The following DNAH5 variants were observed in gnomAD, a reference collection of about 807,000 sequenced individuals.
DNAH5 encodes the protein axonemal beta dynein heavy chain 5.
DNAH5 carries 372 observed loss-of-function variants against 518.2 expected under a neutral mutation model. The ratio of observed to expected loss-of-function variants is 0.72; its 90% confidence interval spans 0.66 to 0.78. The LOEUF is 0.78. Ranked by LOEUF, DNAH5 falls within the 30% of genes least tolerant of loss-of-function variation. The pLI is 0.00. For synonymous variants in DNAH5, 2,039 were observed against 2,025.9 expected, an observed-to-expected ratio of 1.01 and a Z score of -0.17; for missense variants, 5,523 against 5,687.0, an observed-to-expected ratio of 0.97 and a Z score of 0.93.
Position 13,735,888 on chromosome 5 carries a change from G to T in DNAH5, c.11500C>A (p.Arg3834Ser), listed in dbSNP as rs1579972564. The T allele has an allele frequency of 1.2e-6, 2 of 1,613,982 alleles. No individual in the cohort carries two copies. Among genetic ancestry groups the T allele is most frequent in the Admixed American group, 1.7e-5 (1 of 59,996 alleles). The change falls in exon 67 of 79, where the codon CGC (arginine) becomes AGC (serine). Residue 3834 changes from arginine (R) to serine (S), a missense_variant. This residue lies in a region of DNAH5 where 5,121 missense variants were observed against 5,223.3 expected (regional missense o/e 0.98). Transcript: ENST00000265104. ...SILYFLITEM[R>S]LVNEMYQTSL... Reference sequence around the variant, plus strand: ...GTCTGATACATCTCATTAACCAAGCGCATCTCAGTAATGAGGAAGTAGAGG... The same window carrying T: ...GTCTGATACATCTCATTAACCAAGCTCATCTCAGTAATGAGGAAGTAGAGG...
At chr5:13,779,486 C>T (rs1278493005) in intron 53 of DNAH5, among the ~76,000 whole-genome samples, 1 of 152,176 alleles carries the variant, frequency 6.6e-6, no homozygotes, top group Non-Finnish European at 1.5e-5. Context: ...TTCTGCTTAT[C>T]AGTGCCTGAC....
chr5:13,769,495 AC>A lies in DNAH5; in HGVS notation c.9720+5del. ...GAATGTGGCACATGTGTAAATGCCC[AC>A]CCACCATGTCGGCTTTATCGTTGGC... On this transcript the variant is annotated splice_donor_5th_base_variant and intron_variant, in intron 57 of 78. Coordinates refer to ENST00000265104, the MANE Select transcript of DNAH5 (RefSeq NM_001369.3). 6.2e-7 allele frequency: 1 copy of A among 1,611,846 alleles called. No homozygotes were observed. The highest frequency in any genetic ancestry group is 8.5e-7 in the Non-Finnish European group (1 of 1,177,988).
chr5:13,859,346 A>T, intron 30 of DNAH5, 106 bp downstream of exon 30: 1 of 1,205,838 alleles, frequency 8.3e-7, no homozygotes, highest in Non-Finnish European at 1.2e-6. Context: ...AGATTGAAGG[A>T]AGGGGGTTCA....
chr5:13,748,118 C>G (rs1285469878), intron 65 of DNAH5, among the ~76,000 whole-genome samples: 1 of 152,180 alleles, frequency 6.6e-6, no homozygotes, highest in Admixed American at 6.5e-5. Flanking sequence ...TTTCCCAGCA[C>G]CATTTGTTAA....
intron 1 of DNAH5, among the ~76,000 whole-genome samples, chr5:13,987,063 C>G (rs1434165462): frequency 2.0e-5 from 3 of 152,176 alleles, no homozygotes; most frequent in African/African-American, 7.2e-5. Flanking sequence ...CCCTCCTCGA[C>G]TGCCCTGGTT....
In DNAH5 at chr5:13,753,455, C is replaced by T. The variant is rs147952156; in HGVS notation, c.10650G>A (p.Met3550Ile). 1 of 1,614,084 alleles carries T rather than the reference C, an allele frequency of 6.2e-7. No individual in the cohort carries two copies. Reference sequence around the variant, plus strand: ...TTCCAAATGGAATTTTCCGGGCTTTCATTTCCTTCCGCCAGTCATTTAACA... The same window carrying T: ...TTCCAAATGGAATTTTCCGGGCTTTTATTTCCTTCCGCCAGTCATTTAACA... Reference protein sequence around the residue: ...DLLLNDWRKEMKARKIPFGKN... With the variant: ...DLLLNDWRKEIKARKIPFGKN... The change falls in exon 63 of 79, where the codon ATG becomes ATA. Residue 3550 changes from methionine (M) to isoleucine (I), a missense_variant. Transcript: ENST00000265104.
rs1284767820 is a variant in DNAH5, at chr5:13,776,656, C to T, written c.9156G>A (p.Leu3052=). ...RDEIDEINSD[L]ASVMKKEFPR... The stretch of plus-strand genomic sequence containing the variant: ...GGAATTCTTTTTTCATGACTGATGC[C>T]AGGTCGCTATTAATTTCATCAATTT... Residue 3052 remains leucine (L), a synonymous_variant, in exon 55 of 79, where the codon CTG becomes CTA. Coordinates refer to ENST00000265104, the MANE Select transcript of DNAH5 (RefSeq NM_001369.3). 2 of 1,613,794 alleles carry T rather than the reference C, an allele frequency of 1.2e-6. No homozygotes were observed. The highest frequency in any genetic ancestry group is 1.7e-6 in the Non-Finnish European group (2 of 1,179,806).
At chr5:13,938,470 G>A (rs1269155690) in intron 1 of DNAH5, among the ~76,000 whole-genome samples, 2 of 151,582 alleles carry the variant, frequency 1.3e-5, no homozygotes, top group African/African-American at 2.4e-5. Context: ...TATTATTATT[G>A]TTGTTGTTAA....
chr5:13,782,201 A>T (rs1580211529), intron 52 of DNAH5, among the ~76,000 whole-genome samples: 2 of 152,276 alleles, frequency 1.3e-5, no homozygotes, highest in East Asian at 3.9e-4. Flanking sequence ...GGAAGGGGTC[A>T]CTTCTCCACA....
chr5:13,724,945 A>G (rs1286334122), intron 70 of DNAH5, among the ~76,000 whole-genome samples: 1 of 152,190 alleles, frequency 6.6e-6, no homozygotes, highest in African/African-American at 2.4e-5. Context: ...TAAATTACCC[A>G]GTCTCAGATA....
At chr5:13,881,753 C>A (rs1033135264) in intron 21 of DNAH5, among the ~76,000 whole-genome samples, 1 of 151,816 alleles carries the variant, frequency 6.6e-6, no homozygotes, top group African/African-American at 2.4e-5. Flanking sequence ...AAATACATAA[C>A]CTAAAATTAC....
intron 1 of DNAH5, among the ~76,000 whole-genome samples, chr5:13,994,159 C>A (rs1469925308): frequency 1.3e-5 from 2 of 152,184 alleles, no homozygotes; most frequent in African/African-American, 2.4e-5. Flanking sequence ...CACCTCTCTG[C>A]CTCTCAGCCA....
intron 22 of DNAH5, among the ~76,000 whole-genome samples, chr5:13,874,947 T>C (rs1468528667): frequency 1.3e-5 from 2 of 152,186 alleles, no homozygotes; most frequent in African/African-American, 4.8e-5. Context: ...ATCATAGGAC[T>C]TTCTGTGGTT....
chr5:13,700,903 G>T (rs763330475), intron 77 of DNAH5, 32 bp from the exon 78 acceptor site: 2 of 1,604,306 alleles, frequency 1.2e-6, no homozygotes, highest in African/African-American at 1.3e-5. Context: ...GAATGGAGCG[G>T]TTAGAGGTTT....
At chr5:13,740,305 C>A (rs562525096) in intron 65 of DNAH5, among the ~76,000 whole-genome samples, 1 of 150,198 alleles carries the variant, frequency 6.7e-6, no homozygotes, top group African/African-American at 2.4e-5. Context: ...TGGTCTACTC[C>A]CAGCCCAGCA....
chr5:13,862,832 T>A, intron 28 of DNAH5, 85 bp from the exon 29 acceptor site: 1 of 597,916 alleles, frequency 1.7e-6, no homozygotes, highest in Non-Finnish European at 2.7e-6. Context: ...CCATCTTCAC[T>A]ATTTGCTTCA....
Position 13,794,201 on chromosome 5 carries a change from A to C in DNAH5, c.7888-143T>G, listed in dbSNP as rs1757477772. 6.9e-6 allele frequency: 7 copies of C among 1,018,374 alleles called. No individual in the cohort carries two copies. In the South Asian group the frequency reaches 1.1e-4, roughly 16 times the overall value. The allele number at this position is 1,018,374 out of a possible 1,614,324, so 63.1% of individuals were successfully genotyped here. On this transcript the variant is annotated intron_variant, in intron 47 of 78. Transcript: ENST00000265104. ...GCCAAATTTCCCCCTTAATTCTAAC[A>C]AATTCTAAAGTACCTAAATTATCTT...
intron 43 of DNAH5, among the ~76,000 whole-genome samples, chr5:13,814,044 T>C (rs1761085535): frequency 6.6e-6 from 1 of 152,196 alleles, no homozygotes; most frequent in South Asian, 2.1e-4. Flanking sequence ...ATTTATAATA[T>C]AATTTTGATC....
chr5:13,871,044 G>C (rs778923986), intron 23 of DNAH5, 42 bp from the exon 24 acceptor site: 1 of 1,474,636 alleles, frequency 6.8e-7, no homozygotes, highest in Non-Finnish European at 9.4e-7. Flanking sequence ...TTAAAAACTC[G>C]AATCAGTACG....
Sources: gnomAD v4.1 joint callset for allele counts (sites outside exome capture counted in the v4.1 genomes callset) on GRCh38, gnomAD v4.1.1 for gene constraint, gnomAD v4.1.1 regional missense constraint, MANE v1.5 for transcripts, NCBI Gene and HGNC (gene_info 2026-07-23, HGNC 2026-07-21) for gene names.